Variants in NBEA observed in about 807,000 individuals in gnomAD.
The protein encoded by NBEA is neurobeachin, also known as lysosomal-trafficking regulator 2.
NBEA carries 44 observed loss-of-function variants against 343.4 expected under a neutral mutation model. The ratio of observed to expected loss-of-function variants is 0.13; its 90% CI spans 0.10 to 0.16. The LOEUF (loss-of-function observed/expected upper bound fraction) is 0.16. Ranked by LOEUF, NBEA falls within the 10% of genes least tolerant of loss-of-function variation. The probability of loss-of-function intolerance (pLI) is 1.00; values close to 1 mark genes in which losing one functional copy is unlikely to be tolerated. For synonymous variants in NBEA, 1,175 were observed against 1,238.7 expected (o/e 0.95, Z 1.08); for missense variants, 2,555 against 3,631.3 (o/e 0.70, Z 7.62).
At chr13:35,316,651 A>G (rs759676617) in intron 36 of NBEA, among the ~76,000 whole-genome samples, 3 of 152,108 alleles carry the variant, frequency 2.0e-5, no homozygotes, top group Non-Finnish European at 4.4e-5. Context: ...GTCAAATGGT[A>G]TTTCTGGTTC....
rs1305861919 is a variant in NBEA at position 35,672,144 on chromosome 13, A to G, written c.*1153A>G. On this transcript the variant is annotated 3_prime_UTR_variant, in exon 59 of 59. Coordinates refer to ENST00000379939, the MANE Select transcript of NBEA (RefSeq NM_001385012.1). ...TGATGGCTATCAAATGATTTTCCAT[A>G]CATTGTACTGATCAAGTTATACACC... 6.6e-6 allele frequency: 1 copy of G among 152,624 alleles called. No homozygotes were observed. Among genetic ancestry groups the G allele is most frequent in the Non-Finnish European group, 1.5e-5 (1 of 68,040 alleles). The allele number at this position is 152,624 out of a possible 1,614,324, so 9.5% of individuals were successfully genotyped here.
At chr13:35,167,632 GA>G (rs2070140081) in intron 24 of NBEA, among the ~76,000 whole-genome samples, 2 of 151,248 alleles carry the variant, frequency 1.3e-5, no homozygotes, top group Middle Eastern at 3.2e-3. Flanking sequence ...TGTACTCAGG[GA>G]AAAAAAATAG....
chr13:35,649,224 T>A (rs1475356004), intron 51 of NBEA, among the ~76,000 whole-genome samples: 1 of 152,154 alleles, frequency 6.6e-6, no homozygotes, highest in Admixed American at 6.5e-5. Context: ...ATCAACCAGA[T>A]AGAAATGAAA....
chr13:35,594,922 G>A (rs572767637), intron 47 of NBEA, among the ~76,000 whole-genome samples: 2 of 149,894 alleles, frequency 1.3e-5, no homozygotes, highest in African/African-American at 4.9e-5. Flanking sequence ...AAATGAAAAT[G>A]CCTGCTCACT....
At chr13:35,604,391 G>A (rs181498836) in intron 47 of NBEA, among the ~76,000 whole-genome samples, 4 of 151,880 alleles carry the variant, frequency 2.6e-5, no homozygotes, top group African/African-American at 9.7e-5. Context: ...ATACACATTT[G>A]GCCCCTAGTG....
At chr13:35,005,732 A>G (rs2061296721) in intron 1 of NBEA, among the ~76,000 whole-genome samples, 1 of 152,224 alleles carries the variant, frequency 6.6e-6, no homozygotes. Context: ...TAGTTAAGGA[A>G]GAGTCAAGGA....
rs749058220 is a variant in NBEA, at chr13:35,050,426, C to T, written c.972+31C>T. ...TAAAAGTAAATATTTTTATAACTCA[C>T]CTGTTATGACAGAATTCTTAACTCT... On this transcript the variant is annotated intron_variant, in intron 6 of 58. Transcript: ENST00000379939. The T allele has an allele frequency of 3.1e-6, 5 of 1,588,662 alleles. No homozygotes were observed. In the Admixed American group the frequency reaches 5.2e-5, roughly 16 times the overall value.
intron 41 of NBEA, among the ~76,000 whole-genome samples, chr13:35,503,247 T>A (rs2076954872): frequency 6.6e-5 from 10 of 151,614 alleles, no homozygotes. Context: ...AGTCAATATA[T>A]AATAGTATAA....
chr13:35,331,860 A>T (rs1005557953), intron 36 of NBEA, among the ~76,000 whole-genome samples: 2 of 152,064 alleles, frequency 1.3e-5, no homozygotes, highest in Non-Finnish European at 2.9e-5. Context: ...ACATCACTTC[A>T]TTCACTTTCT....
chr13:35,483,527 A>T (rs1184001814), intron 41 of NBEA, among the ~76,000 whole-genome samples: 1 of 152,018 alleles, frequency 6.6e-6, no homozygotes, highest in Non-Finnish European at 1.5e-5. Context: ...ATACATTATT[A>T]TGTAAATGTA....
At chr13:35,458,181 G>A (rs1041447568) in intron 40 of NBEA, among the ~76,000 whole-genome samples, 7 of 152,098 alleles carry the variant, frequency 4.6e-5, no homozygotes, top group Non-Finnish European at 8.8e-5. Flanking sequence ...TCTCATCAGC[G>A]GCATGTGAGG....
At chr13:35,210,296 A>G (rs568975600) in intron 32 of NBEA, among the ~76,000 whole-genome samples, 6 of 151,046 alleles carry the variant, frequency 4.0e-5, no homozygotes, top group African/African-American at 1.5e-4. Flanking sequence ...GTGTGTGTGT[A>G]TGTGTGTGTG....
chr13:35,114,033 C>G (rs1297802959), intron 13 of NBEA, among the ~76,000 whole-genome samples: 1 of 152,146 alleles, frequency 6.6e-6, no homozygotes, highest in East Asian at 1.9e-4. Flanking sequence ...CCTACACTTT[C>G]CTTATCCCGC....
intron 33 of NBEA, among the ~76,000 whole-genome samples, chr13:35,231,105 A>C (rs2074947398): frequency 6.6e-6 from 1 of 152,094 alleles, no homozygotes; most frequent in Non-Finnish European, 1.5e-5. Context: ...GAATTTTCTA[A>C]ATATATGTGG....
intron 34 of NBEA, among the ~76,000 whole-genome samples, chr13:35,257,710 T>G (rs1332791280): frequency 6.6e-6 from 1 of 152,212 alleles, no homozygotes; most frequent in African/African-American, 2.4e-5. Flanking sequence ...TAAAAAAATT[T>G]ATTTCCTGCT....
At chr13:35,563,073 C>G (rs2079941187) in intron 44 of NBEA, among the ~76,000 whole-genome samples, 1 of 151,288 alleles carries the variant, frequency 6.6e-6, no homozygotes, top group East Asian at 1.9e-4. Context: ...TATTCATCTT[C>G]CAAGATAAAT....
At chr13:35,621,235 G>A (rs931413643) in intron 48 of NBEA, among the ~76,000 whole-genome samples, 1 of 152,116 alleles carries the variant, frequency 6.6e-6, no homozygotes, top group Non-Finnish European at 1.5e-5. Context: ...AAAGATCAGA[G>A]GTTTTGTCTT....
chr13:35,478,628 TC>T (rs2075986893), intron 41 of NBEA, among the ~76,000 whole-genome samples: 1 of 152,230 alleles, frequency 6.6e-6, no homozygotes, highest in South Asian at 2.1e-4. Context: ...TTACTTGGTG[TC>T]CCGGCTTACT....
At chr13:35,599,758 C>A (rs900595282) in intron 47 of NBEA, among the ~76,000 whole-genome samples, 8 of 152,196 alleles carry the variant, frequency 5.3e-5, no homozygotes, top group African/African-American at 1.9e-4. Flanking sequence ...AGGGCTTGCT[C>A]TTGGGATGGG....
Sources: allele counts gnomAD v4.1 joint callset (sites outside exome capture counted in the v4.1 genomes callset), GRCh38; gene constraint gnomAD v4.1.1; transcripts MANE v1.5; gene names NCBI Gene and HGNC (gene_info 2026-07-23, HGNC 2026-07-21).